Variants in UBE2J2 observed in about 807,000 individuals in gnomAD.
UBE2J2 encodes ubiquitin conjugating enzyme E2 J2, also known as ubiquitin-conjugating enzyme E2 J2.
UBE2J2 carries 5 observed loss-of-function variants against 28.6 expected under a neutral mutation model. The observed-to-expected ratio is 0.17, with a 90% confidence interval of 0.09 to 0.37. UBE2J2 has a LOEUF of 0.37. Among genes scored for constraint, UBE2J2 ranks in the 10% least tolerant of loss-of-function variants. UBE2J2 has a pLI of 1.00. For missense variants in UBE2J2, 226 were observed against 338.9 expected (o/e 0.67, Z 2.62); for synonymous variants, 138 against 139.7 (o/e 0.99, Z 0.09).
intron 5 of UBE2J2, 101 bp downstream of exon 5, chr1:1,256,888 GAAA>G (rs57305655): frequency 0.011 from 5,458 of 508,530 alleles, 1 homozygote; most frequent in East Asian, 0.024. Context: ...TCCGTCTCAA[GAAA>G]AAAAAAAAAA....
chr1:1,271,835 A>G (rs12068885), intron 1 of UBE2J2, among the ~76,000 whole-genome samples: 13,909 of 151,944 alleles, frequency 0.092, 1,298 homozygotes, highest in African/African-American at 0.24. Flanking sequence ...TTAATCAGGC[A>G]TGGTGGCATG....
At chr1:1,266,836 ATAAG>A (rs1639897597) in intron 2 of UBE2J2, among the ~76,000 whole-genome samples, 2 of 152,250 alleles carry the variant, frequency 1.3e-5, no homozygotes, top group South Asian at 2.1e-4. Context: ...AAAAATAATA[ATAAG>A]TAATTTTTTT....
chr1:1,269,457 C>T (rs1006233975), intron 1 of UBE2J2, among the ~76,000 whole-genome samples: 2 of 149,608 alleles, frequency 1.3e-5, no homozygotes, highest in African/African-American at 2.5e-5. Flanking sequence ...CAACTCAAAC[C>T]TTATTTTTTT....
chr1:1,258,243 G>C (rs549068220), intron 3 of UBE2J2, among the ~76,000 whole-genome samples: 20 of 151,780 alleles, frequency 1.3e-4, no homozygotes, highest in Non-Finnish European at 1.6e-4. Flanking sequence ...GGGTTTCACC[G>C]TGTTAGCCAG....
chr1:1,257,425 G>A (rs1639268656), intron 3 of UBE2J2, 115 bp from the exon 4 acceptor site: 1 of 537,834 alleles, frequency 1.9e-6, no homozygotes, highest in Non-Finnish European at 3.0e-6. Flanking sequence ...CGGCTCCCGA[G>A]TCCTCATTGC....
intron 3 of UBE2J2, among the ~76,000 whole-genome samples, chr1:1,258,302 A>C (rs1639330091): frequency 6.6e-6 from 1 of 152,000 alleles, no homozygotes; most frequent in Non-Finnish European, 1.5e-5. Flanking sequence ...CGGCCTCCCA[A>C]GGTGCTGGGA....
rs992389198 is a variant in UBE2J2, at chr1:1,272,368, T to C, written c.-1+1298A>G. ...CAGCGTGAATCACCGAGGGCAGCTG[T>C]GCCCAGGTGCTGAGGCAGTGGCTGC... On this transcript the variant is annotated intron_variant, in intron 1 of 6. Coordinates refer to ENST00000349431, the MANE Select transcript of UBE2J2 (RefSeq NM_058167.3). Among the ~76,000 whole-genome samples, 8 of 152,214 alleles carry C rather than the reference T, an allele frequency of 5.3e-5. 1 individual carries two copies. The South Asian group carries it at 1.7e-3, about 32-fold the overall frequency.
Position 1,254,976 on chromosome 1 carries a change from CCCACCCACA to C in UBE2J2, c.*218_*226del. The C allele has an allele frequency of 2.0e-6, 1 of 497,672 alleles. No homozygotes were observed. The highest frequency in any genetic ancestry group is 3.6e-5 in the South Asian group (1 of 27,704). The allele number at this position is 497,672 out of a possible 1,614,324, so 30.8% of individuals were successfully genotyped here. On this transcript the variant is annotated 3_prime_UTR_variant, in exon 7 of 7. Coordinates refer to ENST00000349431, the MANE Select transcript of UBE2J2 (RefSeq NM_058167.3). ...TAAGCTACAAATCCAGCACACAAGG[CCCACCCACA>C]CCAGCCCCAGCGGCCCGTGGCCAGG... is the stretch of plus-strand genomic sequence containing the variant.
chr1:1,256,400 T>A (rs1168221335), intron 5 of UBE2J2: 9 of 380,308 alleles, frequency 2.4e-5, no homozygotes, highest in Non-Finnish European at 4.4e-5. Context: ...GGGCCGTCTG[T>A]GCAACTGGTA....
In UBE2J2 at chr1:1,273,833, T is replaced by C. The variant is rs1177230211; in HGVS notation, c.-168A>G. 1.3e-5 allele frequency: 2 copies of C among 153,232 alleles called. No homozygotes were observed. Among genetic ancestry groups the C allele is most frequent in the East Asian group, 1.9e-4 (1 of 5,172 alleles). The allele number at this position is 153,232 out of a possible 1,614,324, so 9.5% of individuals were successfully genotyped here. A position where few individuals can be genotyped will look rare whatever the true frequency, so the allele number is the denominator to read the frequency against. ...GCCGCCGCCGCCTCAGCCTCCAAGATGGCCGCTCGCGGGGCGGAACCAGCC... is the reference window on the plus strand; with the variant it reads ...GCCGCCGCCGCCTCAGCCTCCAAGACGGCCGCTCGCGGGGCGGAACCAGCC... On this transcript the variant is annotated 5_prime_UTR_variant, in exon 1 of 7. Coordinates refer to ENST00000349431, the MANE Select transcript of UBE2J2 (RefSeq NM_058167.3).
At chr1:1,265,267 G>A (rs540125012) in intron 2 of UBE2J2, among the ~76,000 whole-genome samples, 2 of 152,184 alleles carry the variant, frequency 1.3e-5, no homozygotes, top group African/African-American at 2.4e-5. Flanking sequence ...GACCTGCCAG[G>A]GGCTCTCGCA....
Position 1,255,296 on chromosome 1 carries a change from C to T in UBE2J2, c.687G>A (p.Leu229=), listed in dbSNP as rs771351439. The T allele has an allele frequency of 4.2e-5, 67 of 1,613,568 alleles. No individual in the cohort carries two copies. The East Asian group carries it at 1.1e-3, about 27-fold the overall frequency. ...LQQANRHHGL[L]GGALANLFVI... ...CAAACAAGTTCGCCAGGGCGCCACC[C>T]AGGAGTCCGTGGTGCCGGTTGGCCT... Residue 229 remains leucine (L), a synonymous_variant, in exon 7 of 7, where the codon CTG becomes CTA. Coordinates refer to ENST00000349431, the MANE Select transcript of UBE2J2 (RefSeq NM_058167.3).
intron 2 of UBE2J2, among the ~76,000 whole-genome samples, chr1:1,264,197 AT>A (rs1557560350): frequency 6.6e-6 from 1 of 152,148 alleles, no homozygotes; most frequent in African/African-American, 2.4e-5. Flanking sequence ...AACTGCCGTG[AT>A]TGTGTCCAAA....
chr1:1,273,622 C>G (rs1017079271), intron 1 of UBE2J2, 44 bp downstream of exon 1: 1 of 151,472 alleles, frequency 6.6e-6, no homozygotes, highest in Admixed American at 6.6e-5. Flanking sequence ...GCAGGGGGGA[C>G]GAGCGGGCCC....
intron 2 of UBE2J2, among the ~76,000 whole-genome samples, chr1:1,267,455 A>T (rs537175737): frequency 3.9e-5 from 6 of 152,326 alleles, no homozygotes; most frequent in African/African-American, 1.4e-4. Context: ...AGCAAAGAGC[A>T]GAGTCTAGAA....
At position 1,267,951 on chromosome 1, in the gene UBE2J2, G is replaced by A; in HGVS notation, c.42C>T (p.Thr14=). 6.2e-7 allele frequency: 1 copy of A among 1,614,060 alleles called. No individual in the cohort carries two copies. Among genetic ancestry groups the A allele is most frequent in the Non-Finnish European group, 8.5e-7 (1 of 1,179,968 alleles). Residue 14 remains threonine (T), a synonymous_variant, in exon 2 of 7, where the codon ACC becomes ACT. Coordinates refer to ENST00000349431, the MANE Select transcript of UBE2J2 (RefSeq NM_058167.3). ...TSSKRAPTTA[T]QRLKQDYLRI... ...GAAGGTAGTCCTGCTTCAGCCTCTGGGTTGCCGTGGTCGGAGCCCTCTTAC... is the reference window on the plus strand; with the variant it reads ...GAAGGTAGTCCTGCTTCAGCCTCTGAGTTGCCGTGGTCGGAGCCCTCTTAC...
rs1283693368 is a variant in UBE2J2, at chr1:1,256,786, T to C, written c.414+206A>G. Among the ~76,000 whole-genome samples, 5 of 148,844 alleles carry C rather than the reference T, an allele frequency of 3.4e-5. No homozygotes were observed. In the East Asian group the frequency reaches 5.9e-4, roughly 18 times the overall value. On this transcript the variant is annotated intron_variant, in intron 5 of 6. Transcript: ENST00000349431. ...CTGTAGTCCCAGCTACTTGGGAGGC[T>C]GAGACAGGAGAATGGCGTGAACCCC...
chr1:1,259,224 G>A lies in UBE2J2; in HGVS notation c.173-1914C>T, dbSNP rs143334207. On this transcript the variant is annotated intron_variant, in intron 3 of 6. Coordinates refer to ENST00000349431, the MANE Select transcript of UBE2J2 (RefSeq NM_058167.3). ...ATGTGTGTGTGTATGCCATCAGGAC[G>A]CATGTATGTGCGTGTCTGCATGCCA... Among the ~76,000 whole-genome samples the A allele has an allele frequency of 1.9e-4, 28 of 151,296 alleles. No homozygotes were observed. In the East Asian group the frequency reaches 4.3e-3, roughly 23 times the overall value.
At chr1:1,259,551 G>A (rs1170518732) in intron 3 of UBE2J2, among the ~76,000 whole-genome samples, 2 of 152,190 alleles carry the variant, frequency 1.3e-5, no homozygotes, top group Non-Finnish European at 2.9e-5. Context: ...TTGCAGGAAC[G>A]CTCATCATCT....
Sources: gnomAD v4.1 joint callset for allele counts (sites outside exome capture counted in the v4.1 genomes callset) on GRCh38, gnomAD v4.1.1 for gene constraint, MANE v1.5 for transcripts, NCBI Gene and HGNC (gene_info 2026-07-23, HGNC 2026-07-21) for gene names.